The following MAP3K8 variants were observed in gnomAD, a reference collection of about 807,000 sequenced individuals.
MAP3K8 encodes the protein Ewing sarcoma transformant.
A neutral mutation model predicts 45.8 loss-of-function variants in MAP3K8; 22 were observed. That is an observed-to-expected ratio of 0.48 (90% confidence interval 0.34 to 0.69). MAP3K8 has a LOEUF of 0.69. Among genes scored for constraint, MAP3K8 ranks in the 30% least tolerant of loss-of-function variants. The pLI, the probability that MAP3K8 is intolerant of heterozygous loss-of-function variation, is 0.01. For synonymous variants in MAP3K8, 223 were observed against 214.3 expected (o/e 1.04, Z -0.36); for missense variants, 419 against 585.0 (o/e 0.72, Z 2.93).
rs763931820 is a variant in MAP3K8 at position 30,458,245 on chromosome 10, G to T, written c.1026+9G>T. On this transcript the variant is annotated intron_variant, in intron 7 of 8. Transcript: ENST00000263056. ...CCTCCTACCTGTACATAGTAAGTGG[G>T]GTTCAACCAGGGCTGGGGGCGGCGG... 3.3e-6 allele frequency: 3 copies of T among 919,714 alleles called. No homozygotes were observed. Among genetic ancestry groups the T allele is most frequent in the Non-Finnish European group, 4.7e-6 (3 of 642,126 alleles). 57.0% of individuals were successfully genotyped at this position (919,714 alleles called of 1,614,324 possible).
At chr10:30,459,173 CT>C in intron 7 of MAP3K8, 81 bp from the exon 8 acceptor site, 1 of 1,494,152 alleles carries the variant, frequency 6.7e-7, no homozygotes, top group South Asian at 1.2e-5. Flanking sequence ...GGATTACTTT[CT>C]AGGTCCTGGT....
rs374373740 is a variant in MAP3K8, at chr10:30,459,424, A to G, written c.1196A>G (p.Gln399Arg). 7 of 1,614,160 alleles carry G rather than the reference A, an allele frequency of 4.3e-6. No individual in the cohort carries two copies. The highest frequency in any genetic ancestry group is 5.9e-6 in the Non-Finnish European group (7 of 1,180,014). The change falls in exon 8 of 9, where the codon CAG becomes CGG. Residue 399 changes from glutamine (Q) to arginine (R), a missense_variant. Coordinates refer to ENST00000263056, the MANE Select transcript of MAP3K8 (RefSeq NM_005204.4). Reference sequence around the variant, plus strand: ...CCCAGAGAGGATCAGCCACGCTGTCAGAGTCTGGACTCTGCCCTCTTGGAG... The same window carrying G: ...CCCAGAGAGGATCAGCCACGCTGTCGGAGTCTGGACTCTGCCCTCTTGGAG... ...NPPREDQPRC[Q>R]SLDSALLERK... is the part of the protein sequence containing the mutation.
rs1836858877 is a variant in MAP3K8 at position 30,459,495 on chromosome 10, A to G, written c.1267A>G (p.Ile423Val). The G allele has an allele frequency of 6.2e-7, 1 of 1,613,484 alleles. No individual in the cohort carries two copies. The highest frequency in any genetic ancestry group is 1.3e-5 in the African/African-American group (1 of 74,864). The stretch of plus-strand genomic sequence containing the variant: ...GAAGGAGCTGGAACTTCCTGAGAAC[A>G]TTGCTGGTAGGGACACCCTGCTGTG... ...SRKELELPEN[I>V]ADSSCTGSTE... Residue 423 changes from isoleucine (I) to valine (V), a missense_variant, in exon 8 of 9, where the codon ATT becomes GTT. Around this residue, in one of 3 missense-constraint regions of MAP3K8, gnomAD observed 108 missense variants for 124.2 expected, o/e 0.87. Coordinates refer to ENST00000263056, the MANE Select transcript of MAP3K8 (RefSeq NM_005204.4).
rs535877851 is a variant in MAP3K8, at chr10:30,437,235, T to C, written c.-195T>C. ...TAGGTAGCCACATCTTGTTTGCAGA[T>C]AAGAAAGGAAGCTAACGCAGTATCT... On this transcript the variant is annotated 5_prime_UTR_variant, in exon 2 of 9. Transcript: ENST00000263056. The C allele has an allele frequency of 3.0e-6, 3 of 985,276 alleles. No individual in the cohort carries two copies. The East Asian group carries it at 3.4e-4, about 112-fold the overall frequency. The allele number at this position is 985,276 out of a possible 1,614,324, so 61.0% of individuals were successfully genotyped here. A position where few individuals can be genotyped will look rare whatever the true frequency, so the allele number is the denominator to read the frequency against.
At chr10:30,460,403 C>T (rs185788549) in intron 8 of MAP3K8, among the ~76,000 whole-genome samples, 2 of 152,172 alleles carry the variant, frequency 1.3e-5, no homozygotes, top group East Asian at 3.9e-4. Flanking sequence ...GATGTCAAGC[C>T]TGGTGCGCTT....
intron 1 of MAP3K8, among the ~76,000 whole-genome samples, chr10:30,436,443 T>G (rs1835910426): frequency 6.6e-6 from 1 of 151,966 alleles, no homozygotes. Context: ...CGTCAGACAC[T>G]CCTCCACCTC....
At chr10:30,436,773 C>G (rs1169769796) in intron 1 of MAP3K8, among the ~76,000 whole-genome samples, 1 of 148,732 alleles carries the variant, frequency 6.7e-6, no homozygotes, top group African/African-American at 2.5e-5. Context: ...GACTTTTTTC[C>G]TCTTTCTTTC....
Position 30,447,286 on chromosome 10 carries a change from A to G in MAP3K8, c.337-496A>G, listed in dbSNP as rs533245983. On this transcript the variant is annotated intron_variant, in intron 3 of 8. Coordinates refer to ENST00000263056, the MANE Select transcript of MAP3K8 (RefSeq NM_005204.4). The stretch of plus-strand genomic sequence containing the variant: ...TCACTTAATTTACATAGCATTGTCA[A>G]CTCATAGCTCTGACATACGCTGTGG... 1.3e-3 allele frequency among the ~76,000 whole-genome samples: 191 copies of G among 152,326 alleles called. 1 individual carries two copies. The highest frequency in any genetic ancestry group is 4.3e-3 in the African/African-American group (180 of 41,574).
chr10:30,436,325 C>T (rs12264986), intron 1 of MAP3K8, among the ~76,000 whole-genome samples: 1 of 152,096 alleles, frequency 6.6e-6, no homozygotes, highest in Admixed American at 6.6e-5. Flanking sequence ...TTTTTGCAGG[C>T]GCAGTTAGCA....
chr10:30,446,519 A>G (rs543080624), intron 3 of MAP3K8, among the ~76,000 whole-genome samples: 1 of 150,606 alleles, frequency 6.6e-6, no homozygotes, highest in South Asian at 2.1e-4. Flanking sequence ...TAGGCAACAG[A>G]GCAAGACTCC....
intron 6 of MAP3K8, 51 bp downstream of exon 6, chr10:30,451,795 A>G (rs1836548370): frequency 3.9e-6 from 4 of 1,017,152 alleles, no homozygotes; most frequent in Non-Finnish European, 5.8e-6. Context: ...AATAAAAAGG[A>G]AAAAATGTTC....
At chr10:30,458,780 AG>A (rs1455940486) in intron 7 of MAP3K8, among the ~76,000 whole-genome samples, 4 of 152,258 alleles carry the variant, frequency 2.6e-5, no homozygotes, top group African/African-American at 9.6e-5. Flanking sequence ...GGTATCCTTT[AG>A]AAATTAAAGT....
chr10:30,437,255 G>GT lies in MAP3K8; in HGVS notation c.-174dup, dbSNP rs568765943. ...GCAGATAAGAAAGGAAGCTAACGCA[G>GT]TATCTGCAAAGCCAGGAGTCTGACT... is the stretch of plus-strand genomic sequence containing the variant. On this transcript the variant is annotated 5_prime_UTR_variant, in exon 2 of 9. Coordinates refer to ENST00000263056, the MANE Select transcript of MAP3K8 (RefSeq NM_005204.4). The GT allele has an allele frequency of 3.0e-4, 291 of 985,338 alleles. 1 individual carries two copies. The African/African-American group carries it at 4.0e-3, about 14-fold the overall frequency. The allele number at this position is 985,338 out of a possible 1,614,324, so 61.0% of individuals were successfully genotyped here. A position where few individuals can be genotyped will look rare whatever the true frequency, so the allele number is the denominator to read the frequency against.
chr10:30,449,860 A>G (rs997257441), intron 4 of MAP3K8, among the ~76,000 whole-genome samples: 2 of 152,188 alleles, frequency 1.3e-5, no homozygotes, highest in African/African-American at 4.8e-5. Flanking sequence ...TGTGGCAACA[A>G]ACACTTCATA....
intron 4 of MAP3K8, among the ~76,000 whole-genome samples, chr10:30,448,161 C>G (rs1288222152): frequency 6.6e-6 from 1 of 152,098 alleles, no homozygotes; most frequent in East Asian, 1.9e-4. Flanking sequence ...TGATTTTAAT[C>G]TAGATGATTA....
Position 30,451,626 on chromosome 10 carries a change from C to A in MAP3K8, c.767-12C>A. 1 of 1,493,482 alleles carries A rather than the reference C, an allele frequency of 6.7e-7. No individual in the cohort carries two copies. The highest frequency in any genetic ancestry group is 9.1e-7 in the Non-Finnish European group (1 of 1,094,730). 92.5% of individuals were successfully genotyped at this position (1,493,482 alleles called of 1,614,324 possible). A position where few individuals can be genotyped will look rare whatever the true frequency, so the allele number is the denominator to read the frequency against. ...AAAAATTTTATCTTAAAAATATTTC[C>A]TCTCATTTTAGCTAGCAACATTGTT... On this transcript the variant is annotated splice_polypyrimidine_tract_variant and intron_variant, in intron 5 of 8. Transcript: ENST00000263056.
At chr10:30,436,408 C>A (rs303450) in intron 1 of MAP3K8, among the ~76,000 whole-genome samples, 110,837 of 151,978 alleles carry the variant, frequency 0.73, 41,168 homozygotes, top group African/African-American at 0.86. Flanking sequence ...TAAGGAATTA[C>A]TGCAGGCACT....
chr10:30,453,304 C>T (rs1288641439), intron 6 of MAP3K8, among the ~76,000 whole-genome samples: 1 of 151,996 alleles, frequency 6.6e-6, no homozygotes, highest in African/African-American at 2.4e-5. Flanking sequence ...GGCTCAATGA[C>T]AGTCTTAACT....
At chr10:30,448,535 C>T (rs923138967) in intron 4 of MAP3K8, among the ~76,000 whole-genome samples, 3 of 151,632 alleles carry the variant, frequency 2.0e-5, no homozygotes, top group African/African-American at 4.8e-5. Context: ...TGGGTTCAAA[C>T]GATTCTCCTG....
Sources: allele counts gnomAD v4.1 joint callset (sites outside exome capture counted in the v4.1 genomes callset), GRCh38; gene constraint gnomAD v4.1.1; regional missense constraint gnomAD v4.1.1; transcripts MANE v1.5; gene names NCBI Gene and HGNC (gene_info 2026-07-23, HGNC 2026-07-21).